The following TEC variants were observed in gnomAD, a reference collection of about 807,000 sequenced individuals.
TEC encodes the protein tyrosine-protein kinase Tec.
TEC carries 72 observed loss-of-function variants against 93.0 expected under a neutral mutation model. The ratio of observed to expected loss-of-function variants is 0.77; its 90% CI spans 0.64 to 0.94. The LOEUF (loss-of-function observed/expected upper bound fraction) is 0.94. Among genes scored for constraint, TEC ranks in the 40% least tolerant of loss-of-function variants. The probability of loss-of-function intolerance (pLI) is 0.00; values close to 1 mark genes in which losing one functional copy is unlikely to be tolerated. For missense variants in TEC, 630 were observed against 757.9 expected (o/e 0.83, Z 1.98); for synonymous variants, 249 against 247.7 (o/e 1.01, Z -0.05).
chr4:48,216,527 G>A (rs997984820), intron 2 of TEC, among the ~76,000 whole-genome samples: 2 of 151,736 alleles, frequency 1.3e-5, no homozygotes, highest in Admixed American at 1.3e-4. Flanking sequence ...AATGCAAGAA[G>A]TTACATACAT....
At chr4:48,146,300 C>A in intron 12 of TEC, 25 bp downstream of exon 12, 1 of 1,607,892 alleles carries the variant, frequency 6.2e-7, no homozygotes, top group Non-Finnish European at 8.5e-7. Flanking sequence ...AAAATTAGCT[C>A]ATGCAACCAC....
intron 2 of TEC, among the ~76,000 whole-genome samples, chr4:48,221,645 T>G (rs1335611107): frequency 3.3e-5 from 5 of 152,134 alleles, no homozygotes; most frequent in Non-Finnish European, 7.4e-5. Flanking sequence ...CCCCTTCTGT[T>G]AGGGTTTTCA....
chr4:48,149,254 G>C (rs147972342), intron 11 of TEC, among the ~76,000 whole-genome samples: 1 of 152,216 alleles, frequency 6.6e-6, no homozygotes, highest in East Asian at 1.9e-4. Flanking sequence ...TCATCACACT[G>C]TCTTCCACAA....
At chr4:48,264,394 G>A (rs1455040681) in intron 1 of TEC, among the ~76,000 whole-genome samples, 1 of 152,168 alleles carries the variant, frequency 6.6e-6, no homozygotes, top group African/African-American at 2.4e-5. Flanking sequence ...CAGGGGGTCC[G>A]TACACAAACA....
chr4:48,149,006 A>C (rs776303737), intron 11 of TEC, among the ~76,000 whole-genome samples: 3 of 152,120 alleles, frequency 2.0e-5, no homozygotes, highest in African/African-American at 4.8e-5. Context: ...ACATGATCTC[A>C]TTCTTCTTTT....
chr4:48,256,273 G>A (rs1374308011), intron 1 of TEC, among the ~76,000 whole-genome samples: 3 of 151,864 alleles, frequency 2.0e-5, no homozygotes, highest in Non-Finnish European at 2.9e-5. Context: ...ACAATCCACC[G>A]CCCACCCTGC....
At chr4:48,167,695 A>G (rs946557163) in intron 7 of TEC, 83 bp downstream of exon 7, 31 of 1,309,810 alleles carry the variant, frequency 2.4e-5, no homozygotes, top group Non-Finnish European at 3.0e-5. Flanking sequence ...TCATTACACG[A>G]TAGTTACGAC....
chr4:48,177,581 C>T (rs1577724523), intron 2 of TEC, among the ~76,000 whole-genome samples: 1 of 152,200 alleles, frequency 6.6e-6, no homozygotes. Context: ...TCCCATCTGA[C>T]TAAAGGACTG....
intron 2 of TEC, among the ~76,000 whole-genome samples, chr4:48,218,788 G>A (rs1170943037): frequency 3.3e-5 from 5 of 152,164 alleles, no homozygotes; most frequent in Non-Finnish European, 5.9e-5. Flanking sequence ...ATACAAATGA[G>A]AGATTTCCCA....
intron 1 of TEC, among the ~76,000 whole-genome samples, chr4:48,249,681 T>G (rs1418245886): frequency 6.6e-6 from 1 of 152,232 alleles, no homozygotes; most frequent in East Asian, 1.9e-4. Context: ...CTTCTTGACT[T>G]CATGATCTTT....
intron 1 of TEC, among the ~76,000 whole-genome samples, chr4:48,255,415 G>C (rs918854750): frequency 1.3e-5 from 2 of 152,196 alleles, no homozygotes; most frequent in African/African-American, 4.8e-5. Context: ...GGACTGCTCG[G>C]ATTGGCCAAG....
rs1426254135 is a variant in TEC, at chr4:48,269,786, A to T, written c.-80T>A. On this transcript the variant is annotated 5_prime_UTR_variant, in exon 1 of 18. Coordinates refer to ENST00000381501, the MANE Select transcript of TEC (RefSeq NM_003215.3). ...GCGCGGCTGCTGGGCGGACCTGGGG[A>T]GACTGCGAGGTGCAGTCTGCGCCGC... The T allele has an allele frequency of 6.6e-6, 1 of 151,958 alleles. No individual in the cohort carries two copies. The highest frequency in any genetic ancestry group is 1.5e-5 in the Non-Finnish European group (1 of 68,024). The allele number at this position is 151,958 out of a possible 1,614,324, so 9.4% of individuals were successfully genotyped here.
At chr4:48,206,777 CAAAAAA>C (rs34761710) in intron 2 of TEC, among the ~76,000 whole-genome samples, 15 of 89,194 alleles carry the variant, frequency 1.7e-4, no homozygotes, top group South Asian at 7.6e-4. Context: ...CTCGTTGCTA[CAAAAAA>C]AAAAAAAAAA....
intron 1 of TEC, among the ~76,000 whole-genome samples, chr4:48,244,679 T>C (rs768073636): frequency 6.6e-6 from 1 of 152,362 alleles, no homozygotes; most frequent in Non-Finnish European, 1.5e-5. Flanking sequence ...GTATATCAGG[T>C]ACTGTGACAG....
Position 48,213,315 on chromosome 4 carries a change from G to T in TEC, c.138+15162C>A, listed in dbSNP as rs138591541. Among the ~76,000 whole-genome samples, 584 of 152,032 alleles carry T rather than the reference G, an allele frequency of 3.8e-3. 4 individuals carry two copies. Among genetic ancestry groups the T allele is most frequent in the African/African-American group, 0.014 (562 of 41,440 alleles). ...TATTTTGTAGTATTTTCTTTTCAGG[G>T]GCTTACCAATGTAGAATCATGCGAA... On this transcript the variant is annotated intron_variant, in intron 2 of 17. Coordinates refer to ENST00000381501, the MANE Select transcript of TEC (RefSeq NM_003215.3).
At chr4:48,232,802 T>C (rs528587553) in intron 1 of TEC, among the ~76,000 whole-genome samples, 1 of 152,316 alleles carries the variant, frequency 6.6e-6, no homozygotes, top group East Asian at 1.9e-4. Flanking sequence ...CAAATAAATA[T>C]GTGCCAGGTC....
chr4:48,246,419 AG>A (rs1724057731), intron 1 of TEC, among the ~76,000 whole-genome samples: 1 of 152,132 alleles, frequency 6.6e-6, no homozygotes, highest in Non-Finnish European at 1.5e-5. Context: ...GAACTGGACA[AG>A]GTGATTCTAA....
intron 1 of TEC, among the ~76,000 whole-genome samples, chr4:48,248,008 T>C (rs1359394603): frequency 6.6e-6 from 1 of 152,054 alleles, no homozygotes; most frequent in Non-Finnish European, 1.5e-5. Flanking sequence ...TATGCAGGGG[T>C]TGGTTCTCAG....
intron 1 of TEC, among the ~76,000 whole-genome samples, chr4:48,239,575 G>A (rs904941914): frequency 6.6e-6 from 1 of 152,060 alleles, no homozygotes; most frequent in African/African-American, 2.4e-5. Flanking sequence ...AAGAATGTTT[G>A]GAAATTATAT....
Sources: allele counts gnomAD v4.1 joint callset (sites outside exome capture counted in the v4.1 genomes callset), GRCh38; gene constraint gnomAD v4.1.1; transcripts MANE v1.5; gene names NCBI Gene and HGNC (gene_info 2026-07-23, HGNC 2026-07-21).